The following ATP8A1 variants were observed in gnomAD, a reference collection of about 807,000 sequenced individuals.
ATP8A1 encodes the protein ATPase phospholipid transporting 8A1.
In ATP8A1, 90 loss-of-function variants were observed where a neutral mutation model predicts 177.7. That is an observed-to-expected ratio of 0.51 (90% CI 0.43 to 0.60). The LOEUF (loss-of-function observed/expected upper bound fraction) is 0.60. ATP8A1 is among the 20% of genes least tolerant of loss of function. ATP8A1 has a pLI of 0.00. For synonymous variants in ATP8A1, 493 were observed against 485.9 expected (o/e 1.01, Z -0.19); for missense variants, 1,072 against 1,392.8 (o/e 0.77, Z 3.67).
intron 8 of ATP8A1, among the ~76,000 whole-genome samples, chr4:42,587,773 A>AT (rs1223163119): frequency 6.6e-6 from 1 of 150,758 alleles, no homozygotes; most frequent in Non-Finnish European, 1.5e-5. Context: ...TGCCCGGCTA[A>AT]TTTTTTGTAC....
At chr4:42,486,099 T>C (rs771415179) in intron 24 of ATP8A1, among the ~76,000 whole-genome samples, 1 of 152,140 alleles carries the variant, frequency 6.6e-6, no homozygotes, top group Non-Finnish European at 1.5e-5. Flanking sequence ...GCCACGAGAG[T>C]ACACTGAACA....
At chr4:42,519,088 T>C (rs962793317) in intron 22 of ATP8A1, among the ~76,000 whole-genome samples, 2 of 152,136 alleles carry the variant, frequency 1.3e-5, no homozygotes, top group Admixed American at 1.3e-4. Flanking sequence ...TATTTATATA[T>C]TTATTTATTT....
In ATP8A1 at chr4:42,503,857, T is replaced by C. The variant is rs893251930; in HGVS notation, c.2087-343A>G. On this transcript the variant is annotated intron_variant, in intron 23 of 36. Transcript: ENST00000381668. Reference sequence around the variant, plus strand: ...CAGGCCAACGATTGTTTCTAGAAAATAGAATAACAGAACCCTTCTCTAGAC... The same window carrying C: ...CAGGCCAACGATTGTTTCTAGAAAACAGAATAACAGAACCCTTCTCTAGAC... 3.3e-5 allele frequency among the ~76,000 whole-genome samples: 5 copies of C among 152,080 alleles called. No homozygotes were observed. In the East Asian group the frequency reaches 7.7e-4, roughly 23 times the overall value.
chr4:42,582,764 A>AT (rs1392258812), intron 9 of ATP8A1, among the ~76,000 whole-genome samples: 1 of 152,008 alleles, frequency 6.6e-6, no homozygotes, highest in Non-Finnish European at 1.5e-5. Context: ...TTTAAGACAC[A>AT]TTTTTCATGA....
intron 14 of ATP8A1, among the ~76,000 whole-genome samples, chr4:42,572,239 T>G (rs532797507): frequency 6.6e-6 from 1 of 152,330 alleles, no homozygotes; most frequent in East Asian, 1.9e-4. Context: ...GTTCCCATAT[T>G]AAGCAATTGT....
intron 24 of ATP8A1, among the ~76,000 whole-genome samples, chr4:42,489,268 G>A (rs1305781391): frequency 1.3e-5 from 2 of 152,140 alleles, no homozygotes; most frequent in Admixed American, 6.6e-5. Context: ...AAACAAGACC[G>A]AAAGTCAAGT....
chr4:42,507,156 T>C lies in ATP8A1; in HGVS notation c.1948-2A>G. ...TGTTGCTCCAAGTAGCTGAAGATTC[T>C]GAAAAAAATTAGTGGTAGAAATGTT... On this transcript the variant is annotated splice_acceptor_variant, in intron 22 of 36. Transcript: ENST00000381668. LOFTEE classifies it high-confidence loss of function. The C allele has an allele frequency of 6.2e-7, 1 of 1,607,634 alleles. No homozygotes were observed. Among genetic ancestry groups the C allele is most frequent in the Non-Finnish European group, 8.5e-7 (1 of 1,178,474 alleles).
intron 25 of ATP8A1, among the ~76,000 whole-genome samples, chr4:42,481,932 C>T (rs1721711930): frequency 6.6e-6 from 1 of 152,164 alleles, no homozygotes; most frequent in African/African-American, 2.4e-5. Context: ...CAGAAACTAT[C>T]TATAAATTAG....
At chr4:42,580,686 T>C (rs555635959) in intron 10 of ATP8A1, among the ~76,000 whole-genome samples, 2 of 152,344 alleles carry the variant, frequency 1.3e-5, no homozygotes, top group South Asian at 4.1e-4. Context: ...CTATTGATAA[T>C]ACCTTCATGC....
At chr4:42,564,659 T>G (rs1321361813) in intron 15 of ATP8A1, among the ~76,000 whole-genome samples, 1 of 152,224 alleles carries the variant, frequency 6.6e-6, no homozygotes, top group Non-Finnish European at 1.5e-5. Context: ...AGTAAGTAAC[T>G]TGCTTTTGAT....
At chr4:42,486,091 C>A (rs1284253649) in intron 24 of ATP8A1, among the ~76,000 whole-genome samples, 1 of 152,076 alleles carries the variant, frequency 6.6e-6, no homozygotes, top group Admixed American at 6.5e-5. Flanking sequence ...GCAGTTTTGC[C>A]ACGAGAGTAC....
intron 24 of ATP8A1, among the ~76,000 whole-genome samples, chr4:42,492,242 T>C (rs10027266): frequency 0.058 from 8,801 of 152,182 alleles, 316 homozygotes; most frequent in African/African-American, 0.094. Flanking sequence ...CTGTTAAATG[T>C]GTGCAGGTCA....
intron 1 of ATP8A1, among the ~76,000 whole-genome samples, chr4:42,629,806 G>A (rs1465326691): frequency 1.3e-5 from 2 of 152,216 alleles, no homozygotes; most frequent in Non-Finnish European, 2.9e-5. Context: ...ATTTGGAAGT[G>A]AGAGTTTGTA....
At position 42,465,374 on chromosome 4, in the gene ATP8A1, A is replaced by C. The variant is rs182819365; in HGVS notation, c.2325-298T>G. Among the ~76,000 whole-genome samples the C allele has an allele frequency of 7.9e-4, 120 of 152,330 alleles. 1 individual carries two copies. Among genetic ancestry groups the C allele is most frequent in the African/African-American group, 2.8e-3 (117 of 41,578 alleles). ...GCCTTTACTTCCTAACAAACATCAG[A>C]ATTTCTAATTCTTCACTTACAAATT... On this transcript the variant is annotated intron_variant, in intron 25 of 36. Coordinates refer to ENST00000381668, the MANE Select transcript of ATP8A1 (RefSeq NM_006095.2).
chr4:42,435,453 AAAAAAAAAAAC>A (rs1560320523), intron 33 of ATP8A1, among the ~76,000 whole-genome samples: 3 of 99,246 alleles, frequency 3.0e-5, no homozygotes, highest in African/African-American at 1.0e-4. Context: ...AAAAAAACAA[AAAAAAAAAAAC>A]AAACTATCTC....
chr4:42,547,260 T>C (rs892251711), intron 19 of ATP8A1, among the ~76,000 whole-genome samples: 1 of 152,234 alleles, frequency 6.6e-6, no homozygotes, highest in Non-Finnish European at 1.5e-5. Context: ...CCTTCCTCGT[T>C]TCGCCTTCTA....
intron 33 of ATP8A1, among the ~76,000 whole-genome samples, chr4:42,425,669 C>A (rs1378367875): frequency 3.3e-5 from 5 of 152,104 alleles, no homozygotes; most frequent in Admixed American, 6.5e-5. Context: ...TTCACATTTC[C>A]CCACTCACAG....
chr4:42,511,556 A>C lies in ATP8A1; in HGVS notation c.1948-4402T>G, dbSNP rs77448294. On this transcript the variant is annotated intron_variant, in intron 22 of 36. Transcript: ENST00000381668. Reference sequence around the variant, plus strand: ...GTTATCACTGAAAAAATCATAAAATAATGTTTATTCACCTAGTAAAGCCTC... The same window carrying C: ...GTTATCACTGAAAAAATCATAAAATCATGTTTATTCACCTAGTAAAGCCTC... 5.3e-3 allele frequency among the ~76,000 whole-genome samples: 806 copies of C among 152,332 alleles called. 7 individuals are homozygous for C. Among genetic ancestry groups the C allele is most frequent in the African/African-American group, 0.017 (722 of 41,570 alleles).
chr4:42,486,201 GT>G (rs1466480693), intron 24 of ATP8A1, among the ~76,000 whole-genome samples: 1 of 152,086 alleles, frequency 6.6e-6, no homozygotes, highest in Non-Finnish European at 1.5e-5. Flanking sequence ...TTCTGTATTT[GT>G]CCCGATTGGC....
Sources: allele counts gnomAD v4.1 joint callset (sites outside exome capture counted in the v4.1 genomes callset), GRCh38; gene constraint gnomAD v4.1.1; transcripts MANE v1.5; gene names NCBI Gene and HGNC (gene_info 2026-07-23, HGNC 2026-07-21).